Variants in FHIT observed in about 807,000 individuals in gnomAD.
The protein encoded by FHIT is bis(5'-adenosyl)-triphosphatase.
A neutral mutation model predicts 17.9 loss-of-function variants in FHIT; 19 were observed. That is an observed-to-expected ratio of 1.06 (90% CI 0.74 to 1.56). The LOEUF (loss-of-function observed/expected upper bound fraction) is 1.56, where lower values mean the gene tolerates loss of function less well. Among genes scored for constraint, FHIT ranks in the 40% most tolerant of loss-of-function variants. The probability of loss-of-function intolerance (pLI) is 0.00; values close to 1 mark genes in which losing one functional copy is unlikely to be tolerated. For missense variants in FHIT, 248 were observed against 189.2 expected, an observed-to-expected ratio of 1.31 and a Z score of -1.82; for synonymous variants, 81 against 69.7, an observed-to-expected ratio of 1.16 and a Z score of -0.81.
At chr3:60,613,702 T>A (rs2038855323) in intron 4 of FHIT, among the ~76,000 whole-genome samples, 1 of 152,092 alleles carries the variant, frequency 6.6e-6, no homozygotes, top group Non-Finnish European at 1.5e-5. Context: ...CCTTTTTCTC[T>A]CATTCTCCTT....
intron 5 of FHIT, among the ~76,000 whole-genome samples, chr3:60,323,799 G>A (rs558892321): frequency 1.3e-5 from 2 of 152,306 alleles, no homozygotes; most frequent in Admixed American, 1.3e-4. Context: ...TGAAACAAAA[G>A]GATATTAAAC....
intron 7 of FHIT, among the ~76,000 whole-genome samples, chr3:59,927,114 G>C (rs1315879407): frequency 6.6e-6 from 1 of 151,996 alleles, no homozygotes; most frequent in East Asian, 1.9e-4. Flanking sequence ...TGCAGTATAT[G>C]AAGACAATAG....
intron 2 of FHIT, among the ~76,000 whole-genome samples, chr3:61,118,963 A>G (rs1160344286): frequency 6.6e-6 from 1 of 152,198 alleles, no homozygotes. Flanking sequence ...ACAAGCCAAC[A>G]GAAGGTGAAT....
At chr3:60,559,480 C>A (rs907036219) in intron 4 of FHIT, among the ~76,000 whole-genome samples, 4 of 152,162 alleles carry the variant, frequency 2.6e-5, no homozygotes, top group Non-Finnish European at 4.4e-5. Context: ...TGCCTTGATG[C>A]ACTTTTCCAG....
chr3:61,213,908 T>C (rs202040070), intron 1 of FHIT, among the ~76,000 whole-genome samples: 2 of 151,628 alleles, frequency 1.3e-5, no homozygotes, highest in African/African-American at 4.8e-5. Flanking sequence ...GAATGACTAC[T>C]GGGTACATAA....
chr3:61,154,565 G>A (rs555011029), intron 2 of FHIT, among the ~76,000 whole-genome samples: 18 of 152,206 alleles, frequency 1.2e-4, no homozygotes, highest in African/African-American at 4.3e-4. Context: ...ACACTAACAA[G>A]ATCAGAGGAA....
chr3:61,123,209 G>T (rs942664098), intron 2 of FHIT, among the ~76,000 whole-genome samples: 9 of 152,174 alleles, frequency 5.9e-5, no homozygotes, highest in African/African-American at 1.9e-4. Flanking sequence ...CAGGGACATG[G>T]ATGAAGCTAA....
At chr3:61,103,598 C>A (rs1053246944) in intron 2 of FHIT, among the ~76,000 whole-genome samples, 1 of 152,120 alleles carries the variant, frequency 6.6e-6, no homozygotes, top group African/African-American at 2.4e-5. Flanking sequence ...AGTTCAGGTC[C>A]TGGATATCCT....
At chr3:61,192,695 G>A (rs1228708902) in intron 2 of FHIT, among the ~76,000 whole-genome samples, 1 of 152,176 alleles carries the variant, frequency 6.6e-6, no homozygotes, top group African/African-American at 2.4e-5. Context: ...CAAAGACTCA[G>A]GAGAAAATGA....
At chr3:60,358,689 T>C (rs1699776873) in intron 5 of FHIT, among the ~76,000 whole-genome samples, 1 of 152,192 alleles carries the variant, frequency 6.6e-6, no homozygotes, top group African/African-American at 2.4e-5. Context: ...GTCTATACTT[T>C]CTAGTGCTTA....
intron 7 of FHIT, among the ~76,000 whole-genome samples, chr3:59,925,510 G>A (rs895357922): frequency 1.3e-5 from 2 of 152,080 alleles, no homozygotes; most frequent in Non-Finnish European, 2.9e-5. Context: ...CTAACATATG[G>A]GGGGTTGCGA....
At chr3:60,279,808 G>T (rs1707342534) in intron 5 of FHIT, among the ~76,000 whole-genome samples, 1 of 152,146 alleles carries the variant, frequency 6.6e-6, no homozygotes, top group South Asian at 2.1e-4. Flanking sequence ...GAGACGGGCA[G>T]ATCAGGAGGT....
chr3:60,635,839 T>C (rs1413009404), intron 4 of FHIT, among the ~76,000 whole-genome samples: 1 of 152,128 alleles, frequency 6.6e-6, no homozygotes, highest in African/African-American at 2.4e-5. Flanking sequence ...ACAGCAAGTA[T>C]TTTTGCCTTT....
intron 5 of FHIT, among the ~76,000 whole-genome samples, chr3:60,139,892 G>C (rs1354278762): frequency 2.0e-5 from 3 of 151,266 alleles, no homozygotes; most frequent in Non-Finnish European, 4.4e-5. Flanking sequence ...GGGAGGCCAA[G>C]GTGGGTGGAT....
intron 3 of FHIT, among the ~76,000 whole-genome samples, chr3:60,905,024 G>A (rs1194136735): frequency 6.6e-6 from 1 of 151,306 alleles, no homozygotes; most frequent in Non-Finnish European, 1.5e-5. Flanking sequence ...TATAGGAATT[G>A]CCCTTAAACA....
chr3:60,198,068 G>C (rs749203199), intron 5 of FHIT, among the ~76,000 whole-genome samples: 1 of 152,186 alleles, frequency 6.6e-6, no homozygotes, highest in East Asian at 1.9e-4. Flanking sequence ...TTAGTTCATC[G>C]CAACTTCAGA....
intron 5 of FHIT, among the ~76,000 whole-genome samples, chr3:60,342,888 C>A (rs1419920199): frequency 6.6e-6 from 1 of 152,104 alleles, no homozygotes; most frequent in African/African-American, 2.4e-5. Flanking sequence ...ATCCAACCTT[C>A]CCAAGGAATT....
chr3:59,817,416 C>T (rs889311775), intron 8 of FHIT, among the ~76,000 whole-genome samples: 22 of 151,726 alleles, frequency 1.4e-4, no homozygotes, highest in African/African-American at 4.1e-4. Context: ...CACAGGAGGA[C>T]CACTTTTAGT....
chr3:60,178,564 C>A (rs549971396), intron 5 of FHIT, among the ~76,000 whole-genome samples: 2 of 151,718 alleles, frequency 1.3e-5, no homozygotes, highest in Non-Finnish European at 2.9e-5. Flanking sequence ...CCAGCCTGGA[C>A]GACACAGCAA....
Sources: gnomAD v4.1 joint callset for allele counts (sites outside exome capture counted in the v4.1 genomes callset) on GRCh38, gnomAD v4.1.1 for gene constraint, MANE v1.5 for transcripts, NCBI Gene and HGNC (gene_info 2026-07-23, HGNC 2026-07-21) for gene names.